The following GRIP1 variants were observed in gnomAD, a reference collection of about 807,000 sequenced individuals.
The protein encoded by GRIP1 is glutamate receptor-interacting protein 1.
GRIP1 carries 45 observed loss-of-function variants against 129.9 expected under a neutral mutation model. The observed-to-expected ratio is 0.35, with a 90% CI of 0.27 to 0.44. The LOEUF is 0.44. GRIP1 is among the 20% of genes least tolerant of loss of function. GRIP1 has a pLI of 1.00. For synonymous variants in GRIP1, 530 were observed against 520.8 expected (o/e 1.02, Z -0.24); for missense variants, 1,196 against 1,396.8 (o/e 0.86, Z 2.29).
chr12:66,824,729 A>G (rs2039378846), intron 1 of GRIP1, among the ~76,000 whole-genome samples: 1 of 152,230 alleles, frequency 6.6e-6, no homozygotes, highest in Admixed American at 6.5e-5. Flanking sequence ...GCTAAATTTC[A>G]TAGTTCAGAG....
At chr12:66,611,835 C>A (rs1212021504) in intron 1 of GRIP1, among the ~76,000 whole-genome samples, 1 of 152,094 alleles carries the variant, frequency 6.6e-6, no homozygotes, top group Non-Finnish European at 1.5e-5. Flanking sequence ...ATGTATTACA[C>A]AACATTCACA....
chr12:66,435,606 A>G (rs1267708393), intron 13 of GRIP1, among the ~76,000 whole-genome samples: 1 of 152,228 alleles, frequency 6.6e-6, no homozygotes, highest in Non-Finnish European at 1.5e-5. Flanking sequence ...ATACGTATAT[A>G]GCATCTTGCC....
chr12:66,648,201 GC>G (rs994877699), intron 1 of GRIP1, among the ~76,000 whole-genome samples: 15 of 65,094 alleles, frequency 2.3e-4, no homozygotes, highest in African/African-American at 9.0e-4. Flanking sequence ...CCCGCTCCTG[GC>G]TTGTGGCTCA....
At chr12:66,995,914 G>A (rs1055864529) in intron 1 of GRIP1, among the ~76,000 whole-genome samples, 7 of 151,970 alleles carry the variant, frequency 4.6e-5, no homozygotes, top group African/African-American at 1.7e-4. Context: ...AAAAATGTAG[G>A]AACAACCCAA....
chr12:66,355,085 C>T (rs2054416425), intron 23 of GRIP1, among the ~76,000 whole-genome samples: 1 of 152,170 alleles, frequency 6.6e-6, no homozygotes, highest in Non-Finnish European at 1.5e-5. Context: ...CTTTCAGTGT[C>T]CTCCTGGACA....
At chr12:66,438,881 C>T (rs1224657549) in intron 13 of GRIP1, among the ~76,000 whole-genome samples, 2 of 152,096 alleles carry the variant, frequency 1.3e-5, no homozygotes, top group African/African-American at 2.4e-5. Context: ...AAACAAAACC[C>T]ACAAAGTCCC....
At chr12:66,447,542 C>G (rs1254713550) in intron 11 of GRIP1, among the ~76,000 whole-genome samples, 1 of 152,172 alleles carries the variant, frequency 6.6e-6, no homozygotes, top group Non-Finnish European at 1.5e-5. Flanking sequence ...AAACAACATT[C>G]TGTTTAGCCT....
chr12:66,899,331 T>A lies in GRIP1; in HGVS notation c.58+169719A>T, dbSNP rs146315503. ...GGACAGAATGTACTTCCTGTAGACA[T>A]CATTGGAAAGAAACTGTTCCTGTCC... On this transcript the variant is annotated intron_variant, in intron 1 of 1. Transcript: ENST00000643019. 1.4e-3 allele frequency among the ~76,000 whole-genome samples: 195 copies of A among 136,940 alleles called. 1 individual carries two copies. Among genetic ancestry groups the A allele is most frequent in the African/African-American group, 4.5e-3 (181 of 40,198 alleles). 89.8% of individuals were successfully genotyped at this position (136,940 alleles called of 152,430 possible).
At chr12:66,770,530 A>G (rs112580631) in intron 1 of GRIP1, among the ~76,000 whole-genome samples, 8 of 152,262 alleles carry the variant, frequency 5.3e-5, no homozygotes, top group African/African-American at 1.7e-4. Context: ...TATGGGAAAT[A>G]GCAAGCTGAC....
chr12:66,376,232 A>T (rs1276556773), intron 22 of GRIP1, among the ~76,000 whole-genome samples: 2 of 152,240 alleles, frequency 1.3e-5, no homozygotes, highest in Admixed American at 1.3e-4. Context: ...TTAGAATCAC[A>T]TAAAATAACC....
intron 16 of GRIP1, among the ~76,000 whole-genome samples, chr12:66,405,362 T>C (rs2057153927): frequency 6.6e-6 from 1 of 152,216 alleles, no homozygotes; most frequent in Non-Finnish European, 1.5e-5. Context: ...CATTCTGTAA[T>C]TCCCCACATT....
intron 4 of GRIP1, among the ~76,000 whole-genome samples, chr12:66,538,347 A>T (rs1230075628): frequency 2.6e-5 from 4 of 151,576 alleles, no homozygotes; most frequent in Non-Finnish European, 4.4e-5. Context: ...CTACAGGCAT[A>T]TGCCACCATG....
chr12:66,510,470 C>T (rs576695105), intron 7 of GRIP1, among the ~76,000 whole-genome samples: 1 of 152,084 alleles, frequency 6.6e-6, no homozygotes, highest in Non-Finnish European at 1.5e-5. Flanking sequence ...TGAACTCCCC[C>T]CAAAATACTC....
chr12:66,969,584 T>C (rs79143154), intron 1 of GRIP1, among the ~76,000 whole-genome samples: 2 of 152,000 alleles, frequency 1.3e-5, no homozygotes, highest in East Asian at 1.9e-4. Flanking sequence ...GCCTGGCTAA[T>C]TTTTTTTATT....
chr12:66,391,363 G>A (rs1332838453), intron 19 of GRIP1, among the ~76,000 whole-genome samples: 5 of 152,168 alleles, frequency 3.3e-5, no homozygotes, highest in East Asian at 1.9e-4. Flanking sequence ...TTGATGCTAC[G>A]GATCACTGGG....
At chr12:66,354,280 C>G (rs1236903785) in intron 23 of GRIP1, among the ~76,000 whole-genome samples, 1 of 152,190 alleles carries the variant, frequency 6.6e-6, no homozygotes, top group Non-Finnish European at 1.5e-5. Flanking sequence ...CCTCACTCCT[C>G]CACCAGCCCT....
chr12:66,536,711 A>C (rs546785900), intron 4 of GRIP1, among the ~76,000 whole-genome samples: 1 of 152,294 alleles, frequency 6.6e-6, no homozygotes, highest in South Asian at 2.1e-4. Flanking sequence ...TAGTATTCAT[A>C]CTGTATAATT....
chr12:66,601,367 T>G (rs1041452719), intron 1 of GRIP1, among the ~76,000 whole-genome samples: 2 of 152,144 alleles, frequency 1.3e-5, no homozygotes. Flanking sequence ...TCAGGTCTCC[T>G]CATGCTCTCA....
chr12:66,884,496 A>G (rs549615182), intron 1 of GRIP1, among the ~76,000 whole-genome samples: 77 of 152,224 alleles, frequency 5.1e-4, no homozygotes, highest in Non-Finnish European at 9.6e-4. Context: ...ATGTAAAGGA[A>G]AGCAACTTCC....
Sources: gnomAD v4.1 joint callset for allele counts (sites outside exome capture counted in the v4.1 genomes callset) on GRCh38, gnomAD v4.1.1 for gene constraint, MANE v1.5 for transcripts, NCBI Gene and HGNC (gene_info 2026-07-23, HGNC 2026-07-21) for gene names.